The following EYS variants were observed in gnomAD, a reference collection of about 807,000 sequenced individuals.
The protein encoded by EYS is EGF-like photoreceptor maintenance factor, also known as protein eyes shut homolog.
In EYS, 250 loss-of-function variants were observed where a neutral mutation model predicts 282.1. That is an observed-to-expected ratio of 0.89 (90% CI 0.80 to 0.98). The LOEUF is 0.98. Ranked by LOEUF, EYS falls within the 50% of genes least tolerant of loss-of-function variation. The pLI, the probability that EYS is intolerant of heterozygous loss-of-function variation, is 0.00. For missense variants in EYS, 4,016 were observed against 3,709.0 expected, an observed-to-expected ratio of 1.08 and a Z score of -2.15; for synonymous variants, 1,355 against 1,282.9, an observed-to-expected ratio of 1.06 and a Z score of -1.20.
chr6:65,494,726 T>A lies in EYS; in HGVS notation c.685A>T (p.Ile229Phe). The change falls in exon 4 of 43, where the codon ATT becomes TTT. Residue 229 changes from isoleucine to phenylalanine, a missense_variant. Coordinates refer to ENST00000503581, the MANE Select transcript of EYS (RefSeq NM_001142800.2). ...FKPCKNNGSCINKRENWDEQA... is the reference protein window; with the variant it reads ...FKPCKNNGSCFNKRENWDEQA... ...TCATCCCAATTTTCTCTTTTATTAA[T>A]GCAACTGCCATTATTTTTACATGGT... The A allele has an allele frequency of 6.2e-7, 1 of 1,611,008 alleles. No individual in the cohort carries two copies. The highest frequency in any genetic ancestry group is 8.5e-7 in the Non-Finnish European group (1 of 1,178,210).
chr6:64,886,682 C>T lies in EYS; in HGVS notation c.2992+15G>A. 6.5e-7 allele frequency: 1 copy of T among 1,529,416 alleles called. No homozygotes were observed. The allele number at this position is 1,529,416 out of a possible 1,614,324, so 94.7% of individuals were successfully genotyped here. ...CAGAAATATGTTGCTGCACATGGGA[C>T]AGATATGGATTTACCTGTATAACCA... On this transcript the variant is annotated intron_variant, in intron 19 of 42. Coordinates refer to ENST00000503581, the MANE Select transcript of EYS (RefSeq NM_001142800.2).
intron 31 of EYS, among the ~76,000 whole-genome samples, chr6:64,115,177 A>G (rs1397679156): frequency 6.6e-6 from 1 of 152,188 alleles, no homozygotes; most frequent in African/African-American, 2.4e-5. Context: ...TGCTCTGCAC[A>G]TGAGTATGTC....
chr6:64,783,149 A>G (rs1038321610), intron 22 of EYS, among the ~76,000 whole-genome samples: 5 of 152,104 alleles, frequency 3.3e-5, no homozygotes, highest in Non-Finnish European at 7.4e-5. Context: ...ATTGACTGTC[A>G]TGGTATCACA....
At chr6:65,451,315 G>T (rs1215756088) in intron 5 of EYS, among the ~76,000 whole-genome samples, 1 of 151,880 alleles carries the variant, frequency 6.6e-6, no homozygotes, top group South Asian at 2.1e-4. Flanking sequence ...CCATTAATTT[G>T]TTTATTTACA....
At chr6:64,349,912 A>T (rs1258393455) in intron 29 of EYS, among the ~76,000 whole-genome samples, 1 of 151,548 alleles carries the variant, frequency 6.6e-6, no homozygotes, top group East Asian at 1.9e-4. Context: ...AGCAATAAAA[A>T]TAAATGGAAT....
chr6:64,021,127 T>G (rs547255867), intron 33 of EYS, among the ~76,000 whole-genome samples: 1 of 151,184 alleles, frequency 6.6e-6, no homozygotes, highest in Admixed American at 6.6e-5. Context: ...ATCCAAAGAC[T>G]AAAATTCCTT....
In EYS at chr6:65,447,969, GT is replaced by G. The variant is rs528777572; in HGVS notation, c.863-42603del. On this transcript the variant is annotated intron_variant, in intron 5 of 42. Coordinates refer to ENST00000503581, the MANE Select transcript of EYS (RefSeq NM_001142800.2). ...GCTCAGTTTGCCTGTGATGTAGTGTGTGAATTAGAATGAAATGAATGTAAGC... is the reference window on the plus strand; with the variant it reads ...GCTCAGTTTGCCTGTGATGTAGTGTGGAATTAGAATGAAATGAATGTAAGC... Among the ~76,000 whole-genome samples the G allele has an allele frequency of 3.3e-5, 5 of 152,178 alleles. No individual in the cohort carries two copies. The East Asian group carries it at 9.6e-4, about 29-fold the overall frequency.
intron 30 of EYS, among the ~76,000 whole-genome samples, chr6:64,269,998 T>C (rs537873311): frequency 8.8e-4 from 134 of 152,268 alleles, no homozygotes; most frequent in African/African-American, 3.1e-3. Context: ...AATATCAACA[T>C]ACTTTAAGTA....
intron 12 of EYS, among the ~76,000 whole-genome samples, chr6:65,293,290 T>C (rs1768576799): frequency 6.6e-6 from 1 of 151,678 alleles, no homozygotes; most frequent in Non-Finnish European, 1.5e-5. Context: ...TTTGAGTTCA[T>C]TACTAAAATA....
chr6:65,017,485 T>C (rs892303466), intron 13 of EYS, among the ~76,000 whole-genome samples: 22 of 152,324 alleles, frequency 1.4e-4, no homozygotes, highest in African/African-American at 5.3e-4. Context: ...ATGAATTGAT[T>C]TTTATCACTT....
intron 5 of EYS, among the ~76,000 whole-genome samples, chr6:65,410,970 G>T (rs994325322): frequency 3.3e-5 from 5 of 151,862 alleles, no homozygotes; most frequent in African/African-American, 9.7e-5. Context: ...TTATTTAAAA[G>T]AAACTAATTT....
At chr6:63,942,615 T>C (rs1765275968) in intron 35 of EYS, among the ~76,000 whole-genome samples, 1 of 152,192 alleles carries the variant, frequency 6.6e-6, no homozygotes, top group African/African-American at 2.4e-5. Flanking sequence ...AGACTGCTTT[T>C]GAATTCTTTT....
intron 26 of EYS, among the ~76,000 whole-genome samples, chr6:64,555,531 G>C (rs1215462717): frequency 6.6e-6 from 1 of 151,824 alleles, no homozygotes. Context: ...TAATGCATGT[G>C]TTAATTATCT....
chr6:64,214,662 C>A (rs1205618888), intron 31 of EYS, among the ~76,000 whole-genome samples: 1 of 151,768 alleles, frequency 6.6e-6, no homozygotes, highest in Admixed American at 6.6e-5. Context: ...CATAGGAAGT[C>A]ATAATCATAG....
At chr6:64,739,477 T>C (rs1486371377) in intron 22 of EYS, among the ~76,000 whole-genome samples, 1 of 152,214 alleles carries the variant, frequency 6.6e-6, no homozygotes, top group Non-Finnish European at 1.5e-5. Context: ...ATAATTTCTA[T>C]GGTGCTAGTA....
At chr6:63,840,209 A>AGCTTATTATTATTAT (rs748732292) in intron 36 of EYS, among the ~76,000 whole-genome samples, 1,597 of 60,496 alleles carry the variant, frequency 0.026, 18 homozygotes, top group African/African-American at 0.047. Flanking sequence ...CACCATGCCC[A>AGCTTATTATTATTAT]TCTTATTATT....
intron 5 of EYS, among the ~76,000 whole-genome samples, chr6:65,466,153 A>G (rs761108027): frequency 4.6e-5 from 7 of 152,308 alleles, no homozygotes; most frequent in Middle Eastern, 3.4e-3. Context: ...CTAGATCATT[A>G]TATTATAATG....
intron 26 of EYS, among the ~76,000 whole-genome samples, chr6:64,497,912 G>C (rs1776938258): frequency 6.6e-6 from 1 of 152,142 alleles, no homozygotes; most frequent in African/African-American, 2.4e-5. Flanking sequence ...ATGCATACAG[G>C]CAAGGGCACT....
intron 2 of EYS, among the ~76,000 whole-genome samples, chr6:65,533,357 A>T (rs1205625275): frequency 6.6e-6 from 1 of 152,126 alleles, no homozygotes; most frequent in Non-Finnish European, 1.5e-5. Flanking sequence ...TACCAACCAA[A>T]AAAAAGTCCA....
Sources: allele counts gnomAD v4.1 joint callset (sites outside exome capture counted in the v4.1 genomes callset), GRCh38; gene constraint gnomAD v4.1.1; transcripts MANE v1.5; gene names NCBI Gene and HGNC (gene_info 2026-07-23, HGNC 2026-07-21).